CAMTA1: variants seen among roughly 807,000 people sequenced by gnomAD.
The protein encoded by CAMTA1 is calmodulin binding transcription activator 1.
CAMTA1 carries 27 observed loss-of-function variants against 170.9 expected under a neutral mutation model. The observed-to-expected ratio is 0.16, with a 90% CI of 0.12 to 0.22. CAMTA1 has a LOEUF of 0.22. Among genes scored for constraint, CAMTA1 ranks in the 10% least tolerant of loss-of-function variants. The pLI, the probability that CAMTA1 is intolerant of heterozygous loss-of-function variation, is 1.00. For missense variants in CAMTA1, 1,619 were observed against 2,217.2 expected (o/e 0.73, Z 5.42); for synonymous variants, 833 against 891.5 (o/e 0.93, Z 1.17).
At chr1:7,137,927 G>T (rs1054070887) in intron 4 of CAMTA1, among the ~76,000 whole-genome samples, 1 of 152,184 alleles carries the variant, frequency 6.6e-6, no homozygotes, top group African/African-American at 2.4e-5. Flanking sequence ...TCACTGCCAT[G>T]CTCCCTGGAG....
At position 7,063,235 on chromosome 1, in the gene CAMTA1, C is replaced by T. The variant is rs529087177; in HGVS notation, c.235-28069C>T. 9.8e-5 allele frequency among the ~76,000 whole-genome samples: 15 copies of T among 152,294 alleles called. No individual in the cohort carries two copies. The East Asian group carries it at 1.9e-3, about 20-fold the overall frequency. On this transcript the variant is annotated intron_variant, in intron 3 of 22. Transcript: ENST00000303635. The surrounding 1 kb of genome is among the most constrained non-coding windows in gnomAD (Gnocchi z 4.3). ...TGAATTTGCTCCCACTTTCTTCACC[C>T]CCTAACATCAGGTCAAATCCGGCCT...
intron 6 of CAMTA1, among the ~76,000 whole-genome samples, chr1:7,618,407 T>C (rs140637932): frequency 2.4e-4 from 36 of 152,340 alleles, no homozygotes; most frequent in African/African-American, 8.2e-4. Flanking sequence ...CACTCCTCTT[T>C]ATCCTGCTTT....
intron 4 of CAMTA1, among the ~76,000 whole-genome samples, chr1:7,131,538 T>C (rs1044486928): frequency 1.3e-5 from 2 of 151,050 alleles, no homozygotes; most frequent in Non-Finnish European, 2.9e-5. Context: ...TTTTTTTTTT[T>C]CTTGCTGTGG....
intron 5 of CAMTA1, among the ~76,000 whole-genome samples, chr1:7,367,841 C>G (rs1470064997): frequency 1.3e-5 from 2 of 152,046 alleles, no homozygotes; most frequent in Non-Finnish European, 2.9e-5. Flanking sequence ...TCACTGGGCA[C>G]AGGCCCTGGG....
chr1:7,534,013 A>ACTGTACC lies in CAMTA1; in HGVS notation c.510+66113_510+66119dup, dbSNP rs1048445210. 2.6e-5 allele frequency among the ~76,000 whole-genome samples: 4 copies of ACTGTACC among 152,036 alleles called. No individual in the cohort carries two copies. The highest frequency in any genetic ancestry group is 9.7e-5 in the African/African-American group (4 of 41,414). The stretch of plus-strand genomic sequence containing the variant: ...GATGCCGCATGGTCAAGCCTCATCT[A>ACTGTACC]CTGTACCTGGAGCCTTCTCCTGACC... On this transcript the variant is annotated intron_variant, in intron 6 of 22. Coordinates refer to ENST00000303635, the MANE Select transcript of CAMTA1 (RefSeq NM_015215.4). The surrounding 1 kb of genome is among the most constrained non-coding windows in gnomAD (Gnocchi z 5.6).
chr1:7,315,383 C>A (rs1467321575), intron 5 of CAMTA1, among the ~76,000 whole-genome samples: 3 of 152,308 alleles, frequency 2.0e-5, no homozygotes, highest in Middle Eastern at 3.4e-3. Flanking sequence ...GATTTGAGAC[C>A]TAAGAGAGGG....
At chr1:7,621,459 G>A (rs7555086) in intron 6 of CAMTA1, among the ~76,000 whole-genome samples, 29,366 of 152,144 alleles carry the variant, frequency 0.19, 3,673 homozygotes, top group African/African-American at 0.36. Flanking sequence ...AGACAGTGAC[G>A]GGAGAGTCTG....
chr1:7,262,522 G>A (rs548268810), intron 5 of CAMTA1, among the ~76,000 whole-genome samples: 18 of 152,268 alleles, frequency 1.2e-4, no homozygotes, highest in Admixed American at 1.0e-3. Flanking sequence ...AGATCACGCT[G>A]TTGCACTGAA....
In CAMTA1 at chr1:7,371,920, G is replaced by A. The variant is rs75771783; in HGVS notation, c.439-95910G>A. Among the ~76,000 whole-genome samples the A allele has an allele frequency of 3.6e-3, 543 of 152,298 alleles. 2 individuals carry two copies. Among genetic ancestry groups the A allele is most frequent in the East Asian group, 0.02 (105 of 5,176 alleles). On this transcript the variant is annotated intron_variant, in intron 5 of 22. Coordinates refer to ENST00000303635, the MANE Select transcript of CAMTA1 (RefSeq NM_015215.4). ...CTGATGACATCTGAGATCTAGGAAGGTTCTGCATCATCTCAGATCACACAA... is the reference window on the plus strand; with the variant it reads ...CTGATGACATCTGAGATCTAGGAAGATTCTGCATCATCTCAGATCACACAA...
intron 4 of CAMTA1, among the ~76,000 whole-genome samples, chr1:7,191,358 A>G (rs1654488847): frequency 6.6e-6 from 1 of 152,250 alleles, no homozygotes; most frequent in African/African-American, 2.4e-5. Flanking sequence ...CACATGCACC[A>G]TGCATGAATT....
At chr1:7,040,572 T>C (rs985448238) in intron 3 of CAMTA1, among the ~76,000 whole-genome samples, 2 of 152,158 alleles carry the variant, frequency 1.3e-5, no homozygotes, top group African/African-American at 4.8e-5. Context: ...CTCTTGGCAC[T>C]GTCAGCTTGC....
intron 3 of CAMTA1, among the ~76,000 whole-genome samples, chr1:6,995,295 C>CTTTTCTTTTTTTTTTTTTTTTTTTTT (rs1697047615): frequency 2.0e-4 from 12 of 60,612 alleles, no homozygotes; most frequent in Non-Finnish European, 2.6e-4. Context: ...TTTTTCTTTT[C>CTTTTCTTTTTTTTTTTTTTTTTTTTT]TTTTTTTTTT....
intron 5 of CAMTA1, among the ~76,000 whole-genome samples, chr1:7,406,185 A>G (rs1285237710): frequency 6.6e-6 from 1 of 152,258 alleles, no homozygotes; most frequent in Non-Finnish European, 1.5e-5. Context: ...GAGAAGGGCT[A>G]TGCCAAGTGG....
chr1:7,750,862 C>T (rs537288724), intron 19 of CAMTA1: 290 of 313,856 alleles, frequency 9.2e-4, no homozygotes, highest in Non-Finnish European at 1.5e-3. Flanking sequence ...AATATTAATC[C>T]GAAGCATTTA....
In CAMTA1 at chr1:7,738,281, C is replaced by T; in HGVS notation, c.3981C>T (p.Tyr1327=). 1 of 1,614,086 alleles carries T rather than the reference C, an allele frequency of 6.2e-7. No homozygotes were observed. The highest frequency in any genetic ancestry group is 8.5e-7 in the Non-Finnish European group (1 of 1,180,018). ...GAAAGTGGAATTCCAAAGATCTTTA[C>T]ATTGGTGTGTCTACAGTACAGGTGA... is the stretch of plus-strand genomic sequence containing the variant. ...PVGKWNSKDL[Y]IGVSTVQVTG... Residue 1327 remains tyrosine (Y), a synonymous_variant, in exon 16 of 23, where the codon TAC becomes TAT. Transcript: ENST00000303635. This position sits in a 1 kb window ranked among gnomAD's most constrained non-coding sequence, Gnocchi z 4.9.
intron 3 of CAMTA1, among the ~76,000 whole-genome samples, chr1:6,943,354 T>C (rs1687003184): frequency 6.6e-6 from 1 of 151,950 alleles, no homozygotes; most frequent in Admixed American, 6.6e-5. Context: ...GTCAGGAGCA[T>C]TGAGGGTCCC....
At chr1:7,710,450 A>T (rs2096560970) in intron 11 of CAMTA1, among the ~76,000 whole-genome samples, 1 of 151,754 alleles carries the variant, frequency 6.6e-6, no homozygotes, top group South Asian at 2.1e-4. Context: ...ATTTAAAACA[A>T]ATAGCTGGAC....
chr1:7,306,256 A>G lies in CAMTA1; in HGVS notation c.438+56630A>G, dbSNP rs377185643. 5.3e-5 allele frequency among the ~76,000 whole-genome samples: 8 copies of G among 152,124 alleles called. No individual in the cohort carries two copies. In the South Asian group the frequency reaches 1.0e-3, roughly 20 times the overall value. The stretch of plus-strand genomic sequence containing the variant: ...TTTTAAAAAGTGTATGATTTTACAT[A>G]TTGCACTTAGAGCTAGGATCCATTC... On this transcript the variant is annotated intron_variant, in intron 5 of 22. Coordinates refer to ENST00000303635, the MANE Select transcript of CAMTA1 (RefSeq NM_015215.4).
In CAMTA1 at chr1:7,067,135, A is replaced by G. The variant is rs554312639; in HGVS notation, c.235-24169A>G. ...ACCCCCTTACCCATAGCACTGTCTC[A>G]TCAGAAGTTGGCTGGAGTGTTGGGA... On this transcript the variant is annotated intron_variant, in intron 3 of 22. Transcript: ENST00000303635. This position sits in a 1 kb window ranked among gnomAD's most constrained non-coding sequence, Gnocchi z 4.3. 6.6e-6 allele frequency among the ~76,000 whole-genome samples: 1 copy of G among 152,320 alleles called. No individual in the cohort carries two copies. Among genetic ancestry groups the G allele is most frequent in the African/African-American group, 2.4e-5 (1 of 41,560 alleles).
Sources: allele counts gnomAD v4.1 joint callset (sites outside exome capture counted in the v4.1 genomes callset), GRCh38; gene constraint gnomAD v4.1.1; non-coding constraint Gnocchi (gnomAD v3.1); transcripts MANE v1.5; gene names NCBI Gene and HGNC (gene_info 2026-07-23, HGNC 2026-07-21).